BRI3BP: variants seen among roughly 807,000 people sequenced by gnomAD.
BRI3BP encodes BRI3 binding protein.
BRI3BP carries 7 observed loss-of-function variants against 15.8 expected under a neutral mutation model. The ratio of observed to expected loss-of-function variants is 0.44; its 90% CI spans 0.25 to 0.83. The LOEUF (loss-of-function observed/expected upper bound fraction) is 0.83. BRI3BP is among the 40% of genes least tolerant of loss of function. The pLI, the probability that BRI3BP is intolerant of heterozygous loss-of-function variation, is 0.20. For synonymous variants in BRI3BP, 192 were observed against 163.5 expected (o/e 1.17, Z -1.33); for missense variants, 320 against 339.3 (o/e 0.94, Z 0.45).
chr12:124,997,926 A>T (rs925521309), intron 1 of BRI3BP, among the ~76,000 whole-genome samples: 1 of 152,130 alleles, frequency 6.6e-6, no homozygotes, highest in Non-Finnish European at 1.5e-5. Flanking sequence ...GGAGTTCAAG[A>T]CCAGCCTGAC....
chr12:125,032,237 C>T (rs866022000), downstream of BRI3BP, among the ~76,000 whole-genome samples: 57 of 149,118 alleles, frequency 3.8e-4, no homozygotes, highest in Admixed American at 4.7e-4. Flanking sequence ...CCGAGGCGGG[C>T]GGATCACGAG....
chr12:125,023,035 T>C (rs1030483536), intron 2 of BRI3BP, among the ~76,000 whole-genome samples: 16 of 152,232 alleles, frequency 1.1e-4, no homozygotes, highest in Non-Finnish European at 1.8e-4. Context: ...ACTTTTTTGT[T>C]TGAATTTCTT....
intron 1 of BRI3BP, among the ~76,000 whole-genome samples, chr12:125,001,382 C>CA (rs1224852762): frequency 1.3e-5 from 2 of 150,824 alleles, no homozygotes; most frequent in African/African-American, 4.9e-5. Flanking sequence ...TTCTTTTAGA[C>CA]AAGCTCTCAC....
the BRI3BP span, among the ~76,000 whole-genome samples, chr12:125,042,895 G>A: frequency 5.9e-5 from 9 of 152,034 alleles, no homozygotes; most frequent in African/African-American, 1.9e-4. Flanking sequence ...TGATGCTCCT[G>A]CCTTGGTCTC....
chr12:125,032,264 C>T (rs1955411727), downstream of BRI3BP, among the ~76,000 whole-genome samples: 2 of 151,458 alleles, frequency 1.3e-5, no homozygotes, highest in Non-Finnish European at 2.9e-5. Flanking sequence ...AGATCTAGAC[C>T]ATCCTGGCTA....
chr12:125,048,245 C>T, the BRI3BP span, among the ~76,000 whole-genome samples: 1 of 152,044 alleles, frequency 6.6e-6, no homozygotes. Context: ...AATGCCGCCT[C>T]GAAATGCCTG....
chr12:125,008,304 T>C (rs1469212152), intron 1 of BRI3BP, among the ~76,000 whole-genome samples: 13 of 143,398 alleles, frequency 9.1e-5, no homozygotes, highest in Admixed American at 6.3e-4. Flanking sequence ...TCTTTCTTTT[T>C]TTTTTTTTTT....
intron 1 of BRI3BP, among the ~76,000 whole-genome samples, chr12:125,002,239 C>A (rs1216177866): frequency 6.6e-6 from 1 of 152,150 alleles, no homozygotes. Context: ...AGTCCAGTTG[C>A]TGGGTCATAC....
intron 2 of BRI3BP, among the ~76,000 whole-genome samples, chr12:125,014,174 G>T (rs747068550): frequency 2.6e-5 from 4 of 152,066 alleles, no homozygotes; most frequent in Non-Finnish European, 5.9e-5. Flanking sequence ...GGTAAACAGG[G>T]ATCTCCTAGC....
At chr12:125,040,972 C>G in the BRI3BP span, among the ~76,000 whole-genome samples, 1 of 152,012 alleles carries the variant, frequency 6.6e-6, no homozygotes, top group Non-Finnish European at 1.5e-5. Context: ...CTCAGGTGAT[C>G]CACCTGCCTC....
intron 1 of BRI3BP, among the ~76,000 whole-genome samples, chr12:124,999,462 C>T (rs541706517): frequency 3.9e-5 from 6 of 152,204 alleles, no homozygotes; most frequent in South Asian, 4.2e-4. Flanking sequence ...CTCCCTCTGT[C>T]GCCCAGGCTG....
chr12:125,041,275 C>T, the BRI3BP span, among the ~76,000 whole-genome samples: 1 of 147,562 alleles, frequency 6.8e-6, no homozygotes, highest in African/African-American at 2.5e-5. Flanking sequence ...CCAGGGTGGT[C>T]TCCATCTCCT....
In BRI3BP at chr12:125,025,453, C is replaced by T. The variant is rs1416362289; in HGVS notation, c.*23C>T. 1.3e-6 allele frequency: 2 copies of T among 1,547,400 alleles called. No homozygotes were observed. Among genetic ancestry groups the T allele is most frequent in the Middle Eastern group, 1.8e-4 (1 of 5,660 alleles). On this transcript the variant is annotated 3_prime_UTR_variant, in exon 3 of 3. Transcript: ENST00000341446. ...TGAAGGTCAGCCGGCCGGGCGGGTC[C>T]ACAGTTACCAGCACGCTGTCTCAGA...
chr12:125,011,992 A>G (rs1955200740), intron 1 of BRI3BP, among the ~76,000 whole-genome samples: 1 of 152,244 alleles, frequency 6.6e-6, no homozygotes, highest in East Asian at 1.9e-4. Context: ...AGAGTTTGAG[A>G]CCAGCCTGGA....
rs575488468 is a variant in BRI3BP at position 124,994,500 on chromosome 12, T to G, written c.213+497T>G. 2.0e-3 allele frequency among the ~76,000 whole-genome samples: 297 copies of G among 152,242 alleles called. 1 individual carries two copies. The highest frequency in any genetic ancestry group is 6.9e-3 in the African/African-American group (285 of 41,542). ...TGAAGATACTTGGAGTTGTTTTTAC[T>G]TTACAGGAAAAGAAGGGAGCAATGC... is the stretch of plus-strand genomic sequence containing the variant. On this transcript the variant is annotated intron_variant, in intron 1 of 2. Transcript: ENST00000341446.
chr12:125,033,765 CAG>C (rs1369412806), downstream of BRI3BP, among the ~76,000 whole-genome samples: 2 of 148,710 alleles, frequency 1.3e-5, no homozygotes, highest in East Asian at 2.0e-4. Flanking sequence ...TTTTTTGAAA[CAG>C]AGTCTCATTC....
intron 2 of BRI3BP, among the ~76,000 whole-genome samples, chr12:125,014,449 A>G (rs1192499699): frequency 6.6e-6 from 1 of 152,194 alleles, no homozygotes; most frequent in Admixed American, 6.5e-5. Context: ...ATTGTGACGG[A>G]AGGACGCAAA....
At position 125,006,399 on chromosome 12, in the gene BRI3BP, G is replaced by A. The variant is rs549595099; in HGVS notation, c.214-6135G>A. ...CCCCGAATTCACCCTCTCCTGCCCG[G>A]GGCCAGTTTTCAGGAGGGGACAGGT... On this transcript the variant is annotated intron_variant, in intron 1 of 2. Coordinates refer to ENST00000341446, the MANE Select transcript of BRI3BP (RefSeq NM_080626.6). Among the ~76,000 whole-genome samples the A allele has an allele frequency of 6.6e-5, 10 of 152,304 alleles. No homozygotes were observed. In the South Asian group the frequency reaches 2.1e-3, roughly 32 times the overall value.
rs758289650 is a variant in BRI3BP at position 125,012,551 on chromosome 12, T to G, written c.231T>G (p.Thr77=). 39 of 1,611,416 alleles carry G rather than the reference T, an allele frequency of 2.4e-5. No individual in the cohort carries two copies. In the Middle Eastern group the frequency reaches 6.6e-4, roughly 27 times the overall value. ...RAAQKFLARL[T]ERFVLGVDMF... is the part of the protein sequence containing the mutation. ...TTCTGCAGTTCTTGGCCAGGCTGAC[T>G]GAGAGATTTGTGCTGGGAGTGGATA... The change falls in exon 2 of 3, where the codon ACT becomes ACG. Residue 77 remains threonine, a synonymous_variant. Coordinates refer to ENST00000341446, the MANE Select transcript of BRI3BP (RefSeq NM_080626.6).
Sources: gnomAD v4.1 joint callset for allele counts (sites outside exome capture counted in the v4.1 genomes callset) on GRCh38, gnomAD v4.1.1 for gene constraint, MANE v1.5 for transcripts, NCBI Gene and HGNC (gene_info 2026-07-23, HGNC 2026-07-21) for gene names.